The following MAB21L3 variants were observed in gnomAD, a reference collection of about 807,000 sequenced individuals.
The protein encoded by MAB21L3 is protein mab-21-like 3.
In MAB21L3, 36 loss-of-function variants were observed where a neutral mutation model predicts 37.7. That is an observed-to-expected ratio of 0.96 (90% CI 0.73 to 1.26). The LOEUF is 1.26. Ranked by LOEUF, MAB21L3 falls within the 50% of genes most tolerant of loss-of-function variation. The pLI, the probability that MAB21L3 is intolerant of heterozygous loss-of-function variation, is 0.00. For synonymous variants in MAB21L3, 186 were observed against 176.8 expected (o/e 1.05, Z -0.41); for missense variants, 430 against 447.3 (o/e 0.96, Z 0.35).
rs1259084554 is a variant in MAB21L3, at chr1:116,128,286, G to A, written c.802G>A (p.Glu268Lys). 7 of 1,613,962 alleles carry A rather than the reference G, an allele frequency of 4.3e-6. No homozygotes were observed. Among genetic ancestry groups the A allele is most frequent in the African/African-American group, 1.3e-5 (1 of 74,922 alleles). ...KCFQVMRHLK[E>K]DIWCPGNRPV... ...TTTTCAGGTCATGAGGCACCTGAAG[G>A]AGGACATCTGGTGCCCAGGGAACAG... The change falls in exon 7 of 8, where the codon GAG (glutamate) becomes AAG (lysine). Residue 268 changes from glutamate to lysine, a missense_variant. Transcript: ENST00000369500.
rs1659967609 is a variant in MAB21L3 at position 116,128,248 on chromosome 1, G to T, written c.764G>T (p.Cys255Phe). The part of the protein sequence containing the change: ...LLEQLDEDGG[C>F]RRKCFQVMRH... ...GAACAGCTGGATGAAGATGGGGGCT[G>T]CCGTAGGAAGTGTTTTCAGGTCATG... The change falls in exon 7 of 8, where the codon TGC becomes TTC. Residue 255 changes from cysteine to phenylalanine, a missense_variant. Transcript: ENST00000369500. 1 of 1,614,072 alleles carries T rather than the reference G, an allele frequency of 6.2e-7. No individual in the cohort carries two copies. Among genetic ancestry groups the T allele is most frequent in the Admixed American group, 1.7e-5 (1 of 59,998 alleles).
Position 116,137,183 on chromosome 1 carries a change from C to G in MAB21L3, c.*3818C>G, listed in dbSNP as rs1396240877. Among the ~76,000 whole-genome samples, 5 of 95,726 alleles carry G rather than the reference C, an allele frequency of 5.2e-5. No homozygotes were observed. The highest frequency in any genetic ancestry group is 4.8e-4 in the East Asian group (2 of 4,150). 62.8% of individuals were successfully genotyped at this position (95,726 alleles called of 152,430 possible). A position where few individuals can be genotyped will look rare whatever the true frequency, so the allele number is the denominator to read the frequency against. On this transcript the variant is annotated 3_prime_UTR_variant, in exon 8 of 8. Transcript: ENST00000369500. ...CAAAAGAAACTACCATCAGAGTGAACAGGCAACCTACAAAATGGGAGAAAA... is the reference window on the plus strand; with the variant it reads ...CAAAAGAAACTACCATCAGAGTGAAGAGGCAACCTACAAAATGGGAGAAAA...
At chr1:116,121,223 C>G (rs529089663) in intron 4 of MAB21L3, 151 bp downstream of exon 4, 34 of 869,098 alleles carry the variant, frequency 3.9e-5, no homozygotes, top group Non-Finnish European at 5.1e-5. Flanking sequence ...TATTTACAGT[C>G]TCATTTTATA....
In MAB21L3 at chr1:116,134,923, A is replaced by G. The variant is rs1660170170; in HGVS notation, c.*1558A>G. 6.6e-6 allele frequency: 1 copy of G among 152,214 alleles called. No individual in the cohort carries two copies. Among genetic ancestry groups the G allele is most frequent in the African/African-American group, 2.4e-5 (1 of 41,450 alleles). 9.4% of individuals were successfully genotyped at this position (152,214 alleles called of 1,614,324 possible). A position where few individuals can be genotyped will look rare whatever the true frequency, so the allele number is the denominator to read the frequency against. On this transcript the variant is annotated 3_prime_UTR_variant, in exon 8 of 8. Transcript: ENST00000369500. ...TGAATGTTTTTGCCCAAATGTCTAT[A>G]CCAAAGATAAATTTCTAAAGCATGA... is the stretch of plus-strand genomic sequence containing the variant.
chr1:116,135,414 C>T lies in MAB21L3; in HGVS notation c.*2049C>T, dbSNP rs1267332213. Among the ~76,000 whole-genome samples, 3 of 152,066 alleles carry T rather than the reference C, an allele frequency of 2.0e-5. No individual in the cohort carries two copies. The East Asian group carries it at 5.8e-4, about 29-fold the overall frequency. On this transcript the variant is annotated 3_prime_UTR_variant, in exon 8 of 8. Coordinates refer to ENST00000369500, the MANE Select transcript of MAB21L3 (RefSeq NM_152367.3). The stretch of plus-strand genomic sequence containing the variant: ...AAATTCCTCAACACATACACTCTCC[C>T]AAGACTAAACCAGGAAGAAGTTGAA...
Position 116,133,139 on chromosome 1 carries a change from T to G in MAB21L3, c.863T>G (p.Leu288Arg), listed in dbSNP as rs748311098. The stretch of plus-strand genomic sequence containing the variant: ...CACTTCTCCCTTCCACAGACTGTGC[T>G]CTTTTGGACCTGCGAGAAATATCCC... The part of the protein sequence containing the change: ...VITSHHLQTV[L>R]FWTCEKYPHF... Residue 288 changes from leucine (L) to arginine (R), a missense_variant, in exon 8 of 8, where the codon CTC (leucine) becomes CGC (arginine). Leu to Arg is a moderately radical substitution (Grantham distance 102). Coordinates refer to ENST00000369500, the MANE Select transcript of MAB21L3 (RefSeq NM_152367.3). 6.2e-7 allele frequency: 1 copy of G among 1,614,032 alleles called. No individual in the cohort carries two copies. Among genetic ancestry groups the G allele is most frequent in the Admixed American group, 1.7e-5 (1 of 60,010 alleles).
chr1:116,120,555 T>C (rs1659719002), intron 3 of MAB21L3, among the ~76,000 whole-genome samples: 1 of 150,704 alleles, frequency 6.6e-6, no homozygotes, highest in African/African-American at 2.4e-5. Context: ...TACATTACAA[T>C]TATATATAAT....
At chr1:116,121,314 C>T (rs910340159) in intron 4 of MAB21L3, among the ~76,000 whole-genome samples, 3 of 152,042 alleles carry the variant, frequency 2.0e-5, no homozygotes, top group African/African-American at 7.2e-5. Flanking sequence ...TGGCTTGAGG[C>T]CAAGAGTTTG....
chr1:116,117,805 A>G (rs753256711), intron 3 of MAB21L3, among the ~76,000 whole-genome samples: 1 of 152,058 alleles, frequency 6.6e-6, no homozygotes, highest in Non-Finnish European at 1.5e-5. Context: ...CAGACTGGAA[A>G]TCTCTCTGAT....
intron 5 of MAB21L3, among the ~76,000 whole-genome samples, chr1:116,124,929 G>T (rs1008044536): frequency 6.7e-6 from 1 of 150,356 alleles, no homozygotes; most frequent in Non-Finnish European, 1.5e-5. Context: ...CACACAAAGC[G>T]AAAAGGTGAA....
intron 3 of MAB21L3, among the ~76,000 whole-genome samples, chr1:116,113,592 G>A (rs1659489175): frequency 6.6e-6 from 1 of 152,164 alleles, no homozygotes. Flanking sequence ...CGCTCCCCCT[G>A]CATTTCCAAT....
chr1:116,132,299 G>A (rs1466942243), intron 7 of MAB21L3, among the ~76,000 whole-genome samples: 1 of 152,144 alleles, frequency 6.6e-6, no homozygotes, highest in Non-Finnish European at 1.5e-5. Flanking sequence ...GGCAGGCCAA[G>A]GAGTAAAAGC....
rs115451450 is a variant in MAB21L3 at position 116,132,170 on chromosome 1, T to C, written c.856-962T>C. 5.3e-3 allele frequency among the ~76,000 whole-genome samples: 805 copies of C among 152,172 alleles called. 5 individuals are homozygous for C. Among genetic ancestry groups the C allele is most frequent in the African/African-American group, 0.018 (761 of 41,512 alleles). On this transcript the variant is annotated intron_variant, in intron 7 of 7. Transcript: ENST00000369500. Reference sequence around the variant, plus strand: ...GCTGGAGACACAAATTTGCAAGTCATTCATATGTAGTGAGAATTAGAGCTG... The same window carrying C: ...GCTGGAGACACAAATTTGCAAGTCACTCATATGTAGTGAGAATTAGAGCTG...
At chr1:116,115,673 G>A (rs1356424937) in intron 3 of MAB21L3, among the ~76,000 whole-genome samples, 3 of 152,278 alleles carry the variant, frequency 2.0e-5, no homozygotes, top group East Asian at 1.9e-4. Context: ...GAAGCGTATC[G>A]GAATGCAAGT....
intron 7 of MAB21L3, among the ~76,000 whole-genome samples, chr1:116,132,277 C>T (rs949813070): frequency 6.6e-6 from 1 of 152,136 alleles, no homozygotes; most frequent in African/African-American, 2.4e-5. Flanking sequence ...TCCAGAAACT[C>T]CACTTCTCAA....
chr1:116,113,529 A>G lies in MAB21L3; in HGVS notation c.48+866A>G, dbSNP rs536973695. On this transcript the variant is annotated intron_variant, in intron 3 of 7. Coordinates refer to ENST00000369500, the MANE Select transcript of MAB21L3 (RefSeq NM_152367.3). ...GTATTTTTTGTAAGAAAAAACTCCA[A>G]ACTTTTTAGTGTGGTGTTCAAGTAA... is the stretch of plus-strand genomic sequence containing the variant. Among the ~76,000 whole-genome samples, 113 of 152,232 alleles carry G rather than the reference A, an allele frequency of 7.4e-4. 1 individual carries two copies. The highest frequency in any genetic ancestry group is 8.8e-5 in the Non-Finnish European group (6 of 68,018).
chr1:116,115,050 C>T (rs1350550444), intron 3 of MAB21L3, among the ~76,000 whole-genome samples: 1 of 152,144 alleles, frequency 6.6e-6, no homozygotes, highest in African/African-American at 2.4e-5. Flanking sequence ...AGGCTGCTAC[C>T]TGTGTTCTGT....
chr1:116,119,339 T>C (rs1659678208), intron 3 of MAB21L3, among the ~76,000 whole-genome samples: 1 of 152,220 alleles, frequency 6.6e-6, no homozygotes, highest in African/African-American at 2.4e-5. Context: ...TGTCTAACAA[T>C]AGGTGCACAG....
At chr1:116,127,184 T>C (rs1166880850) in intron 5 of MAB21L3, among the ~76,000 whole-genome samples, 1 of 152,186 alleles carries the variant, frequency 6.6e-6, no homozygotes, top group African/African-American at 2.4e-5. Context: ...AAAGAAAAGG[T>C]ACCCCAAATG....
Sources: allele counts gnomAD v4.1 joint callset (sites outside exome capture counted in the v4.1 genomes callset), GRCh38; gene constraint gnomAD v4.1.1; transcripts MANE v1.5; gene names NCBI Gene and HGNC (gene_info 2026-07-23, HGNC 2026-07-21).